Variants in SLC9C2 observed in about 807,000 individuals in gnomAD.
The protein encoded by SLC9C2 is solute carrier family 9 member C2 (putative).
In SLC9C2, 75 loss-of-function variants were observed where a neutral mutation model predicts 140.2. The ratio of observed to expected loss-of-function variants is 0.53; its 90% confidence interval spans 0.44 to 0.65. The LOEUF (loss-of-function observed/expected upper bound fraction) is 0.65, where lower values mean the gene tolerates loss of function less well. SLC9C2 is among the 30% of genes least tolerant of loss of function. The probability of loss-of-function intolerance (pLI) is 0.00; values close to 1 mark genes in which losing one functional copy is unlikely to be tolerated. For synonymous variants in SLC9C2, 375 were observed against 420.9 expected (o/e 0.89, Z 1.34); for missense variants, 1,074 against 1,331.8 (o/e 0.81, Z 3.01).
chr1:173,599,924 C>CT (rs898293022), intron 3 of SLC9C2, among the ~76,000 whole-genome samples, 193 bp downstream of exon 3: 1 of 152,052 alleles, frequency 6.6e-6, no homozygotes, highest in African/African-American at 2.4e-5. Flanking sequence ...CTTATTACTG[C>CT]TTTTTTGAAG....
At chr1:173,520,073 G>A (rs960509282) in intron 22 of SLC9C2, among the ~76,000 whole-genome samples, 6 of 152,098 alleles carry the variant, frequency 3.9e-5, no homozygotes, top group South Asian at 4.1e-4. Flanking sequence ...ACTTGAACCC[G>A]ACGGACAGAC....
Position 173,500,987 on chromosome 1 carries a change from C to A in SLC9C2, c.*107G>T. ...CAGTAGCTTCTAAGTAAACTCCTTG[C>A]AGATAATCCTTTAGTATTTGAGCGA... is the stretch of plus-strand genomic sequence containing the variant. On this transcript the variant is annotated 3_prime_UTR_variant, in exon 28 of 28. Transcript: ENST00000367714. 2 of 1,265,344 alleles carry A rather than the reference C, an allele frequency of 1.6e-6. No homozygotes were observed. Among genetic ancestry groups the A allele is most frequent in the Non-Finnish European group, 2.1e-6 (2 of 971,038 alleles). 78.4% of individuals were successfully genotyped at this position (1,265,344 alleles called of 1,614,324 possible).
intron 27 of SLC9C2, among the ~76,000 whole-genome samples, 167 bp from the exon 28 acceptor site, chr1:173,501,264 T>A (rs1244882933): frequency 6.6e-6 from 1 of 152,192 alleles, no homozygotes; most frequent in South Asian, 2.1e-4. Flanking sequence ...TGCATATAAT[T>A]AATTACATGT....
chr1:173,564,412 A>G (rs763513133), intron 9 of SLC9C2, among the ~76,000 whole-genome samples: 3 of 152,098 alleles, frequency 2.0e-5, no homozygotes, highest in Non-Finnish European at 4.4e-5. Context: ...GGATCAGATG[A>G]TATCTTACTG....
intron 18 of SLC9C2, among the ~76,000 whole-genome samples, chr1:173,528,613 T>C (rs1255215520): frequency 6.6e-6 from 1 of 152,192 alleles, no homozygotes; most frequent in Admixed American, 6.5e-5. Context: ...CCTCTTCTTA[T>C]TTCAATAAGT....
intron 3 of SLC9C2, among the ~76,000 whole-genome samples, chr1:173,598,776 C>CT (rs1179117201): frequency 3.3e-5 from 5 of 152,256 alleles, no homozygotes; most frequent in African/African-American, 9.6e-5. Context: ...ATACAAAGCA[C>CT]TTAAAAGAGA....
intron 21 of SLC9C2, among the ~76,000 whole-genome samples, chr1:173,523,591 T>C (rs1296061673): frequency 6.6e-6 from 1 of 152,220 alleles, no homozygotes; most frequent in Non-Finnish European, 1.5e-5. Flanking sequence ...TATTACACTA[T>C]GCCCAATTGG....
At chr1:173,579,834 A>G (rs1665410433) in intron 7 of SLC9C2, among the ~76,000 whole-genome samples, 1 of 152,206 alleles carries the variant, frequency 6.6e-6, no homozygotes. Context: ...GTTGTATGTC[A>G]GAAATGGGAG....
chr1:173,599,174 A>G (rs961368333), intron 3 of SLC9C2, among the ~76,000 whole-genome samples: 2 of 151,280 alleles, frequency 1.3e-5, no homozygotes, highest in South Asian at 4.2e-4. Flanking sequence ...GCTGGAGTGC[A>G]GTGGCGAGAT....
At chr1:173,513,161 G>T (rs951659212) in intron 23 of SLC9C2, among the ~76,000 whole-genome samples, 14 of 152,176 alleles carry the variant, frequency 9.2e-5, no homozygotes, top group Non-Finnish European at 2.9e-5. Context: ...TTGGTATCAG[G>T]ATGATGCTGG....
At chr1:173,533,154 G>C (rs1324609738) in intron 17 of SLC9C2, among the ~76,000 whole-genome samples, 1 of 151,894 alleles carries the variant, frequency 6.6e-6, no homozygotes, top group African/African-American at 2.4e-5. Flanking sequence ...CTATTGAGAG[G>C]GTGTTCCAGA....
At chr1:173,583,379 C>T (rs1353031797) in intron 6 of SLC9C2, 127 bp downstream of exon 6, 3 of 530,250 alleles carry the variant, frequency 5.7e-6, no homozygotes, top group African/African-American at 3.9e-5. Context: ...TTTCTTGTTA[C>T]TTCATATATC....
intron 11 of SLC9C2, among the ~76,000 whole-genome samples, chr1:173,550,488 G>T (rs1429416953): frequency 1.3e-5 from 2 of 149,208 alleles, no homozygotes; most frequent in Non-Finnish European, 3.0e-5. Flanking sequence ...CGCCAGGCTG[G>T]AGTGCAGTGG....
chr1:173,596,460 T>A (rs954743211), intron 4 of SLC9C2: 1 of 152,204 alleles, frequency 6.6e-6, no homozygotes. Flanking sequence ...TTGTTGTTGC[T>A]ATTCCAATAG....
At chr1:173,544,831 G>A (rs564959057) in intron 13 of SLC9C2, among the ~76,000 whole-genome samples, 14 of 152,236 alleles carry the variant, frequency 9.2e-5, no homozygotes, top group African/African-American at 3.1e-4. Context: ...CACAGGGCGG[G>A]GAACATCACA....
chr1:173,571,278 G>A (rs568014109), intron 9 of SLC9C2, among the ~76,000 whole-genome samples: 3 of 152,236 alleles, frequency 2.0e-5, no homozygotes, highest in South Asian at 4.1e-4. Flanking sequence ...GTATTCATAC[G>A]TGGGTTCTTT....
intron 4 of SLC9C2, among the ~76,000 whole-genome samples, chr1:173,593,351 C>T (rs1666276484): frequency 6.6e-6 from 1 of 152,118 alleles, no homozygotes; most frequent in Non-Finnish European, 1.5e-5. Flanking sequence ...AAAACCCCAT[C>T]TCTACTAAAA....
chr1:173,548,474 G>A lies in SLC9C2; in HGVS notation c.1376C>T (p.Thr459Ile). The A allele has an allele frequency of 1.2e-6, 2 of 1,613,710 alleles. No individual in the cohort carries two copies. The highest frequency in any genetic ancestry group is 1.7e-6 in the Non-Finnish European group (2 of 1,179,752). ...TTTTTCTGTTTTAAATAAAGTTATT[G>A]TGTTCTGTACTATCTCCTGTATGTG... ...TQHIQEIVQN[T>I]ITLFKTEKIL... The change falls in exon 12 of 28, where the codon ACA becomes ATA. Residue 459 changes from threonine to isoleucine, a missense_variant. Physicochemically the swap from Thr to Ile is moderately conservative, Grantham distance 89. Coordinates refer to ENST00000367714, the MANE Select transcript of SLC9C2 (RefSeq NM_178527.4).
intron 16 of SLC9C2, among the ~76,000 whole-genome samples, chr1:173,534,043 C>T (rs1661776491): frequency 6.6e-6 from 1 of 152,004 alleles, no homozygotes; most frequent in Admixed American, 6.6e-5. Flanking sequence ...TAGCAATAAA[C>T]AGATTCATTG....
Sources: gnomAD v4.1 joint callset for allele counts (sites outside exome capture counted in the v4.1 genomes callset) on GRCh38, gnomAD v4.1.1 for gene constraint, MANE v1.5 for transcripts, NCBI Gene and HGNC (gene_info 2026-07-23, HGNC 2026-07-21) for gene names.